Variants in C12orf56 observed in about 807,000 individuals in gnomAD.
The protein encoded by C12orf56 is chromosome 12 open reading frame 56, also known as uncharacterized protein C12orf56.
A neutral mutation model predicts 69.9 loss-of-function variants in C12orf56; 71 were observed. That is an observed-to-expected ratio of 1.02 (90% CI 0.84 to 1.24). The LOEUF is 1.24. Among genes scored for constraint, C12orf56 ranks in the 50% most tolerant of loss-of-function variants. The pLI is 0.00. For missense variants in C12orf56, 732 were observed against 738.5 expected, an observed-to-expected ratio of 0.99 and a Z score of 0.10; for synonymous variants, 276 against 274.1, an observed-to-expected ratio of 1.01 and a Z score of -0.07.
At chr12:64,319,012 A>G in intron 3 of C12orf56, 32 bp from the exon 4 acceptor site, 1 of 1,430,298 alleles carries the variant, frequency 7.0e-7, no homozygotes, top group East Asian at 2.5e-5. Flanking sequence ...TAAACATGAC[A>G]TGCAAAATTT....
rs1353528560 is a variant in C12orf56, at chr12:64,270,576, G to C, written c.1723C>G (p.Leu575Val). ...TAGTTATTCCTAATATACTCAGCTA[G>C]AGTCCTGCTGTGCCGCAGACAGCTC... Reference protein sequence around the residue: ...LKSCLRHSRTLAEYIRNNYRE... With the variant: ...LKSCLRHSRTVAEYIRNNYRE... Residue 575 changes from leucine to valine, a missense_variant, in exon 12 of 13, where the codon CTA (leucine) becomes GTA (valine). Leu to Val is a conservative substitution (Grantham distance 32). Transcript: ENST00000543942. 2 of 1,610,188 alleles carry C rather than the reference G, an allele frequency of 1.2e-6. No homozygotes were observed. The highest frequency in any genetic ancestry group is 2.7e-5 in the African/African-American group (2 of 74,758).
At chr12:64,389,952 G>A (rs1189232404) in intron 1 of C12orf56, among the ~76,000 whole-genome samples, 2 of 152,084 alleles carry the variant, frequency 1.3e-5, no homozygotes, top group Admixed American at 1.3e-4. Context: ...GCCCTCTTTC[G>A]TTTTTGCATC....
chr12:64,335,904 G>C (rs1344908687), intron 2 of C12orf56, among the ~76,000 whole-genome samples: 3 of 152,194 alleles, frequency 2.0e-5, no homozygotes, highest in African/African-American at 7.2e-5. Context: ...GAGGTTTGGA[G>C]TTAGTCCTAA....
At chr12:64,302,114 T>G (rs1381766713) in intron 6 of C12orf56, among the ~76,000 whole-genome samples, 1 of 152,234 alleles carries the variant, frequency 6.6e-6, no homozygotes, top group Non-Finnish European at 1.5e-5. Flanking sequence ...CCTTTCCACA[T>G]GAATTCCATT....
At chr12:64,389,827 A>G (rs71467179) in intron 1 of C12orf56, among the ~76,000 whole-genome samples, 1 of 152,148 alleles carries the variant, frequency 6.6e-6, no homozygotes, top group African/African-American at 2.4e-5. Context: ...AGCATCTAAC[A>G]TGCTCTAAGC....
intron 1 of C12orf56, among the ~76,000 whole-genome samples, chr12:64,380,095 A>G (rs745794236): frequency 3.2e-4 from 40 of 125,502 alleles, no homozygotes; most frequent in Middle Eastern, 5.3e-3. Flanking sequence ...ACAGAGCAAG[A>G]CTCCGTCGCA....
At chr12:64,351,915 G>T (rs900937473) in intron 2 of C12orf56, among the ~76,000 whole-genome samples, 1 of 149,850 alleles carries the variant, frequency 6.7e-6, no homozygotes, top group Non-Finnish European at 1.5e-5. Flanking sequence ...CTCTGTCCTC[G>T]CTTCACAGAT....
chr12:64,353,111 T>A lies in C12orf56; in HGVS notation c.253-55A>T, dbSNP rs1206380117. The A allele has an allele frequency of 4.5e-6, 7 of 1,548,336 alleles. No homozygotes were observed. The East Asian group carries it at 1.6e-4, about 35-fold the overall frequency. ...AGACAAATACAACTGCTTACCTATT[T>A]TGGTATAATAAATCCCCCAAAGCTA... On this transcript the variant is annotated intron_variant, in intron 1 of 12. Transcript: ENST00000543942.
chr12:64,384,851 C>T (rs1466978320), intron 1 of C12orf56, among the ~76,000 whole-genome samples: 4 of 152,126 alleles, frequency 2.6e-5, no homozygotes, highest in South Asian at 2.1e-4. Context: ...GTTAGGATTT[C>T]GAGACTGGCC....
At chr12:64,349,832 G>T (rs547848152) in intron 2 of C12orf56, among the ~76,000 whole-genome samples, 2 of 152,272 alleles carry the variant, frequency 1.3e-5, no homozygotes, top group South Asian at 4.1e-4. Context: ...GGTGGCTCAC[G>T]CCTGTAATCC....
chr12:64,302,367 A>G (rs2038457282), intron 6 of C12orf56, among the ~76,000 whole-genome samples: 1 of 152,142 alleles, frequency 6.6e-6, no homozygotes, highest in Non-Finnish European at 1.5e-5. Flanking sequence ...TAGCTTTCCA[A>G]TGTTGCAGGA....
chr12:64,386,400 T>TATATATA lies in C12orf56; in HGVS notation c.252+3913_252+3914insTATATAT, dbSNP rs1565786009. Among the ~76,000 whole-genome samples the TATATATA allele has an allele frequency of 8.3e-4, 82 of 99,232 alleles. No homozygotes were observed. The East Asian group carries it at 0.011, about 14-fold the overall frequency. 65.1% of individuals were successfully genotyped at this position (99,232 alleles called of 152,430 possible). The stretch of plus-strand genomic sequence containing the variant: ...GGCTAATTTTTATATATATATATAT[T>TATATATA]TTTTTTTTTTTTTGAGACGGAGTTC... On this transcript the variant is annotated intron_variant, in intron 1 of 12. Transcript: ENST00000543942.
chr12:64,300,972 G>A (rs2038436949), intron 6 of C12orf56, among the ~76,000 whole-genome samples: 1 of 152,206 alleles, frequency 6.6e-6, no homozygotes, highest in Non-Finnish European at 1.5e-5. Context: ...TCACGATGGT[G>A]AGGGAGTCCT....
At chr12:64,312,605 T>G (rs2038634446) in intron 5 of C12orf56, 74 bp downstream of exon 5, 1 of 1,146,604 alleles carries the variant, frequency 8.7e-7, no homozygotes, top group Non-Finnish European at 1.3e-6. Context: ...TGAGACTCAG[T>G]TTCAAAAAAA....
intron 1 of C12orf56, among the ~76,000 whole-genome samples, chr12:64,359,289 G>A (rs948256304): frequency 2.0e-5 from 3 of 151,960 alleles, no homozygotes; most frequent in Non-Finnish European, 4.4e-5. Context: ...ATCAAACCAA[G>A]CATAAAAACA....
chr12:64,383,667 G>A (rs2039751505), intron 1 of C12orf56, among the ~76,000 whole-genome samples: 1 of 151,838 alleles, frequency 6.6e-6, no homozygotes, highest in Non-Finnish European at 1.5e-5. Context: ...GAGCCACCAC[G>A]CTGGGCCCAA....
intron 5 of C12orf56, among the ~76,000 whole-genome samples, chr12:64,304,431 C>T (rs1404309796): frequency 6.6e-6 from 1 of 152,170 alleles, no homozygotes; most frequent in East Asian, 1.9e-4. Flanking sequence ...CATTACTGAA[C>T]CACGTGTCTT....
At chr12:64,329,315 A>G (rs926765392) in intron 3 of C12orf56, among the ~76,000 whole-genome samples, 3 of 151,920 alleles carry the variant, frequency 2.0e-5, no homozygotes, top group African/African-American at 7.3e-5. Context: ...CTCCTATTTC[A>G]ATTAAATGTT....
chr12:64,345,165 C>T (rs2039123915), intron 2 of C12orf56, among the ~76,000 whole-genome samples: 1 of 152,134 alleles, frequency 6.6e-6, no homozygotes, highest in Admixed American at 6.6e-5. Flanking sequence ...CCTCCAGGGG[C>T]CTACGGGGAC....
Sources: gnomAD v4.1 joint callset for allele counts (sites outside exome capture counted in the v4.1 genomes callset) on GRCh38, gnomAD v4.1.1 for gene constraint, MANE v1.5 for transcripts, NCBI Gene and HGNC (gene_info 2026-07-23, HGNC 2026-07-21) for gene names.